CEP152: variants seen among roughly 807,000 people sequenced by gnomAD.
The protein encoded by CEP152 is centrosomal protein 152.
Under a neutral mutation model 188.9 loss-of-function variants are expected in CEP152, and 132 were observed. The ratio of observed to expected loss-of-function variants is 0.70; its 90% CI spans 0.61 to 0.81. The LOEUF (loss-of-function observed/expected upper bound fraction) is 0.81, where lower values mean the gene tolerates loss of function less well. Ranked by LOEUF, CEP152 falls within the 30% of genes least tolerant of loss-of-function variation. The probability of loss-of-function intolerance (pLI) is 0.00; values close to 1 mark genes in which losing one functional copy is unlikely to be tolerated. For synonymous variants in CEP152, 649 were observed against 666.6 expected (o/e 0.97, Z 0.41); for missense variants, 1,914 against 1,969.8 (o/e 0.97, Z 0.54).
At position 48,738,738 on chromosome 15, in the gene CEP152, T is replaced by C. The variant is rs1566971188; in HGVS notation, c.4644A>G (p.Ala1548=). ...CATCCAAACCTTGACTTTTCTCAGATGCAGCATTTTCACTTTCCATTAGTG... is the reference window on the plus strand; with the variant it reads ...CATCCAAACCTTGACTTTTCTCAGACGCAGCATTTTCACTTTCCATTAGTG... ...CNPLMESENA[A]SEKSQGLDVQ... is the part of the protein sequence containing the mutation. Residue 1548 remains alanine, a synonymous_variant, in exon 27 of 27, where the codon GCA becomes GCG. Coordinates refer to ENST00000380950, the MANE Select transcript of CEP152 (RefSeq NM_001194998.2). 1 of 1,614,230 alleles carries C rather than the reference T, an allele frequency of 6.2e-7. No individual in the cohort carries two copies. The highest frequency in any genetic ancestry group is 8.5e-7 in the Non-Finnish European group (1 of 1,180,024).
At chr15:48,744,189 G>C in intron 24 of CEP152, 51 bp downstream of exon 24, 1 of 1,603,110 alleles carries the variant, frequency 6.2e-7, no homozygotes. Flanking sequence ...CTTTAACAGT[G>C]ATAATAAAAA....
rs777957997 is a variant in CEP152 at position 48,772,597 on chromosome 15, A to G, written c.1672T>C (p.Ser558Pro). The G allele has an allele frequency of 1.9e-6, 3 of 1,613,946 alleles. No individual in the cohort carries two copies. Among genetic ancestry groups the G allele is most frequent in the Non-Finnish European group, 2.5e-6 (3 of 1,179,978 alleles). The change falls in exon 13 of 27, where the codon TCA (serine) becomes CCA (proline). Residue 558 changes from serine to proline, a missense_variant. Coordinates refer to ENST00000380950, the MANE Select transcript of CEP152 (RefSeq NM_001194998.2). ...AEVQRLLGSNSMKRHLVSQLQ... is the reference protein window; with the variant it reads ...AEVQRLLGSNPMKRHLVSQLQ... ...TGAGACACCAGATGACGCTTCATTG[A>G]GTTGCTACCCAGCAAACGCTGTACT... is the stretch of plus-strand genomic sequence containing the variant.
intron 1 of CEP152, chr15:48,810,645 G>A (rs1368794734): frequency 6.6e-6 from 1 of 152,336 alleles, no homozygotes; most frequent in African/African-American, 2.4e-5. Context: ...CACGTGCACA[G>A]AGCACCTACT....
downstream of CEP152, among the ~76,000 whole-genome samples, chr15:48,736,437 T>G (rs180861630): frequency 1.4e-4 from 21 of 152,272 alleles, no homozygotes; most frequent in African/African-American, 5.1e-4. Flanking sequence ...AAGGGCTAAA[T>G]ATCATGACAA....
chr15:48,778,047 A>T (rs1486617929), intron 12 of CEP152, among the ~76,000 whole-genome samples: 3 of 152,216 alleles, frequency 2.0e-5, no homozygotes, highest in African/African-American at 7.2e-5. Flanking sequence ...CAAAGGGAAA[A>T]GGCATTCCAC....
chr15:48,741,867 T>A, intron 25 of CEP152, 80 bp downstream of exon 25: 1 of 1,612,928 alleles, frequency 6.2e-7, no homozygotes, highest in South Asian at 1.1e-5. Flanking sequence ...ATAGTTAATT[T>A]AGTGGTTAAG....
chr15:48,739,700 A>G (rs566202606), intron 26 of CEP152, among the ~76,000 whole-genome samples: 2 of 152,312 alleles, frequency 1.3e-5, no homozygotes, highest in Non-Finnish European at 2.9e-5. Flanking sequence ...ATACCTACAC[A>G]TACACTTCTA....
chr15:48,739,052 G>A lies in CEP152; in HGVS notation c.4330C>T (p.Gln1444Ter), dbSNP rs373725563. Reference protein sequence around the residue: ...VGSKETHLEFQFGDGSCKHLN... With the variant: ...VGSKETHLEF Reference sequence around the variant, plus strand: ...TGCTTGCAACTACCATCCCCAAACTGGAATTCCAAATGTGTCTCTTTGGAT... The same window carrying A: ...TGCTTGCAACTACCATCCCCAAACTAGAATTCCAAATGTGTCTCTTTGGAT... The change falls in exon 27 of 27, where the codon CAG (glutamine) becomes TAG (stop). Residue 1444 changes from glutamine to a stop codon, truncating the protein, a stop_gained. Transcript: ENST00000380950. LOFTEE classifies it low-confidence loss of function (END_TRUNC). 9 of 1,614,008 alleles carry A rather than the reference G, an allele frequency of 5.6e-6. No homozygotes were observed. The African/African-American group carries it at 1.2e-4, about 22-fold the overall frequency.
rs767271070 is a variant in CEP152, at chr15:48,739,160, C to T, written c.4222G>A (p.Glu1408Lys). Reference sequence around the variant, plus strand: ...GCTGCCCTCCTCTTGGGAGCTTGTTCGCACAGAGTTCTGGTGATGGTGTTT... The same window carrying T: ...GCTGCCCTCCTCTTGGGAGCTTGTTTGCACAGAGTTCTGGTGATGGTGTTT... ...SVNTITRTLCEQAPKRRAACN... is the reference protein window; with the variant it reads ...SVNTITRTLCKQAPKRRAACN... Residue 1408 changes from glutamate to lysine, a missense_variant, in exon 27 of 27, where the codon GAA becomes AAA. By Grantham distance (56) the Glu-to-Lys change is moderately conservative (BLOSUM62 1). Coordinates refer to ENST00000380950, the MANE Select transcript of CEP152 (RefSeq NM_001194998.2). 4.3e-6 allele frequency: 7 copies of T among 1,614,020 alleles called. No homozygotes were observed. Among genetic ancestry groups the T allele is most frequent in the East Asian group, 4.5e-5 (2 of 44,890 alleles).
Position 48,748,498 on chromosome 15 carries a change from A to G in CEP152, c.3579T>C (p.Cys1193=). Residue 1193 remains cysteine, a synonymous_variant, in exon 22 of 27, where the codon TGT becomes TGC. Coordinates refer to ENST00000380950, the MANE Select transcript of CEP152 (RefSeq NM_001194998.2). The part of the protein sequence containing the change: ...QDLKGKLEKC[C]RHLQHLERKH... ...TCCTTTCTAAATGCTGAAGATGCCTACAGCATTTCTCCAGTTTTCCTTTCA... is the reference window on the plus strand; with the variant it reads ...TCCTTTCTAAATGCTGAAGATGCCTGCAGCATTTCTCCAGTTTTCCTTTCA... 6.5e-7 allele frequency: 1 copy of G among 1,534,968 alleles called. No homozygotes were observed. Among genetic ancestry groups the G allele is most frequent in the East Asian group, 2.4e-5 (1 of 40,870 alleles).
intron 21 of CEP152, among the ~76,000 whole-genome samples, chr15:48,750,469 GTTTGA>G (rs542750296): frequency 3.3e-5 from 5 of 152,232 alleles, no homozygotes; most frequent in Admixed American, 1.3e-4. Flanking sequence ...TGACATTTTA[GTTTGA>G]TTTAAGTGGT....
At position 48,768,253 on chromosome 15, in the gene CEP152, C is replaced by A. The variant is rs988458477; in HGVS notation, c.1984G>T (p.Asp662Tyr). The change falls in exon 15 of 27, where the codon GAT (aspartate) becomes TAT (tyrosine). Residue 662 changes from aspartate to tyrosine, a missense_variant. Physicochemically the swap from Asp to Tyr is radical, Grantham distance 160. Transcript: ENST00000380950. ...LCNQMRQMVQ[D>Y]FDHDKQEAVD... is the part of the protein sequence containing the mutation. The stretch of plus-strand genomic sequence containing the variant: ...GCTTCTTGTTTGTCATGGTCAAAAT[C>A]TTGTACCATTTGTCTCATTTGATTA... The A allele has an allele frequency of 1.2e-6, 2 of 1,612,214 alleles. No homozygotes were observed. The highest frequency in any genetic ancestry group is 8.5e-7 in the Non-Finnish European group (1 of 1,178,268).
At chr15:48,797,811 C>A (rs1567029480) in intron 3 of CEP152, 81 bp from the exon 4 acceptor site, 2 of 1,558,628 alleles carry the variant, frequency 1.3e-6, no homozygotes, top group South Asian at 1.1e-5. Context: ...AAGATTTTAA[C>A]CTTTTTCCTT....
intron 19 of CEP152, among the ~76,000 whole-genome samples, chr15:48,758,228 C>A (rs1595619613): frequency 6.6e-6 from 1 of 152,222 alleles, no homozygotes; most frequent in East Asian, 1.9e-4. Flanking sequence ...CACACTGTCA[C>A]AGATCTCAAC....
At chr15:48,794,496 T>C (rs1327658130) in intron 6 of CEP152, among the ~76,000 whole-genome samples, 4 of 152,208 alleles carry the variant, frequency 2.6e-5, no homozygotes, top group Non-Finnish European at 5.9e-5. Flanking sequence ...GGTCTTATAG[T>C]AGAGCTAGCC....
At chr15:48,787,163 G>GTTCTTTTTTTTT (rs1896698258) in intron 9 of CEP152, among the ~76,000 whole-genome samples, 2 of 101,496 alleles carry the variant, frequency 2.0e-5, no homozygotes, top group Non-Finnish European at 3.7e-5. Flanking sequence ...TATAGCCTTC[G>GTTCTTTTTTTTT]TTTTTTTTTT....
chr15:48,794,100 T>C lies in CEP152; in HGVS notation c.692-639A>G, dbSNP rs574251810. ...ACTATCCATTGGGTACTATGTTCACTATTTGGGTGATGGGTTCACTAGAAG... is the reference window on the plus strand; with the variant it reads ...ACTATCCATTGGGTACTATGTTCACCATTTGGGTGATGGGTTCACTAGAAG... On this transcript the variant is annotated intron_variant, in intron 6 of 26. Coordinates refer to ENST00000380950, the MANE Select transcript of CEP152 (RefSeq NM_001194998.2). Among the ~76,000 whole-genome samples, 37 of 152,266 alleles carry C rather than the reference T, an allele frequency of 2.4e-4. 1 individual carries two copies. The highest frequency in any genetic ancestry group is 8.9e-4 in the African/African-American group (37 of 41,554).
intron 2 of CEP152, among the ~76,000 whole-genome samples, chr15:48,798,611 A>C (rs1457404936): frequency 6.6e-6 from 1 of 152,228 alleles, no homozygotes; most frequent in Non-Finnish European, 1.5e-5. Flanking sequence ...GAAAAGATAC[A>C]TAATACCCTG....
At chr15:48,746,258 C>T (rs1421472842) in intron 22 of CEP152, among the ~76,000 whole-genome samples, 8 of 152,014 alleles carry the variant, frequency 5.3e-5, no homozygotes, top group Non-Finnish European at 1.2e-4. Context: ...CAACTTTCTT[C>T]GATTATTTGC....
Sources: allele counts gnomAD v4.1 joint callset (sites outside exome capture counted in the v4.1 genomes callset), GRCh38; gene constraint gnomAD v4.1.1; transcripts MANE v1.5; gene names NCBI Gene and HGNC (gene_info 2026-07-23, HGNC 2026-07-21).